The following SYN3 variants were observed in gnomAD, a reference collection of about 807,000 sequenced individuals.
The protein encoded by SYN3 is synapsin III, also known as synapsin-3.
Under a neutral mutation model 65.8 loss-of-function variants are expected in SYN3, and 35 were observed. That is an observed-to-expected ratio of 0.53 (90% CI 0.41 to 0.70). SYN3 has a LOEUF of 0.70. Ranked by LOEUF, SYN3 falls within the 30% of genes least tolerant of loss-of-function variation. The pLI, the probability that SYN3 is intolerant of heterozygous loss-of-function variation, is 0.00. For synonymous variants in SYN3, 270 were observed against 292.9 expected, an observed-to-expected ratio of 0.92 and a Z score of 0.80; for missense variants, 680 against 749.0, an observed-to-expected ratio of 0.91 and a Z score of 1.08.
In SYN3 at chr22:32,589,065, C is replaced by T. The variant is rs150766150; in HGVS notation, c.774+7609G>A. Among the ~76,000 whole-genome samples the T allele has an allele frequency of 2.4e-3, 358 of 152,330 alleles. 1 individual carries two copies. Among genetic ancestry groups the T allele is most frequent in the South Asian group, 0.012 (59 of 4,820 alleles). ...TATAAATATGACTGAAACACTGCCC[C>T]GAGCTCCTATTCTCAACACACTGCC... is the stretch of plus-strand genomic sequence containing the variant. On this transcript the variant is annotated intron_variant, in intron 7 of 13. Coordinates refer to ENST00000358763, the MANE Select transcript of SYN3 (RefSeq NM_003490.4).
chr22:32,749,845 C>A (rs2045059259), intron 6 of SYN3, among the ~76,000 whole-genome samples: 1 of 152,074 alleles, frequency 6.6e-6, no homozygotes, highest in Non-Finnish European at 1.5e-5. Context: ...GAGAATAGTT[C>A]CAGGTCAAAC....
At chr22:32,657,814 C>G (rs1300628120) in intron 6 of SYN3, among the ~76,000 whole-genome samples, 2 of 152,192 alleles carry the variant, frequency 1.3e-5, no homozygotes, top group African/African-American at 4.8e-5. Context: ...ACCTACAGCC[C>G]CCCAGTGGAG....
At chr22:33,020,187 T>G (rs2145857217) in intron 1 of SYN3, among the ~76,000 whole-genome samples, 1 of 152,310 alleles carries the variant, frequency 6.6e-6, no homozygotes, top group East Asian at 1.9e-4. Flanking sequence ...AGGAGAAGTA[T>G]TCAGTTGAAT....
At chr22:32,918,665 C>A (rs910906367) in intron 4 of SYN3, among the ~76,000 whole-genome samples, 4 of 152,148 alleles carry the variant, frequency 2.6e-5, no homozygotes, top group African/African-American at 9.7e-5. Flanking sequence ...CCTGAGGAGG[C>A]GACATGAGAT....
chr22:32,612,254 C>T (rs62232743), intron 6 of SYN3, among the ~76,000 whole-genome samples: 35,428 of 152,144 alleles, frequency 0.23, 4,314 homozygotes, highest in Middle Eastern at 0.32. Flanking sequence ...GGGACTTATG[C>T]GAACTCCAAC....
chr22:32,708,987 C>T (rs11702928), intron 6 of SYN3, among the ~76,000 whole-genome samples: 3,794 of 152,202 alleles, frequency 0.025, 66 homozygotes, highest in African/African-American at 0.043. Flanking sequence ...TCGAGCCCTG[C>T]GGGGCAGTGA....
intron 6 of SYN3, among the ~76,000 whole-genome samples, chr22:32,703,549 A>G (rs955220737): frequency 6.6e-5 from 10 of 152,012 alleles, no homozygotes; most frequent in Admixed American, 5.9e-4. Context: ...AGGCAGAAGA[A>G]TGGCATGAAC....
intron 4 of SYN3, among the ~76,000 whole-genome samples, chr22:32,915,189 T>G (rs1171991273): frequency 6.6e-6 from 1 of 152,090 alleles, no homozygotes; most frequent in African/African-American, 2.4e-5. Flanking sequence ...GGTTGATGGG[T>G]GCAGCAAACC....
In SYN3 at chr22:33,049,958, G is replaced by A. The variant is rs144733707; in HGVS notation, c.-163+8334C>T. Among the ~76,000 whole-genome samples the A allele has an allele frequency of 2.6e-3, 396 of 152,198 alleles. 1 individual carries two copies. Among genetic ancestry groups the A allele is most frequent in the African/African-American group, 8.8e-3 (365 of 41,530 alleles). On this transcript the variant is annotated intron_variant, in intron 1 of 13. Transcript: ENST00000358763. ...AAGCCTACTCCAATCTTTTGGCACT[G>A]GAAAGGGGCCTGGAGGTGAGAATAA...
intron 6 of SYN3, among the ~76,000 whole-genome samples, chr22:32,622,999 G>C (rs1414381869): frequency 3.3e-5 from 5 of 152,048 alleles, no homozygotes; most frequent in African/African-American, 1.2e-4. Context: ...AGGGAGACTT[G>C]TTCCTCCTGA....
rs1220943040 is a variant in SYN3, at chr22:32,900,531, C to T, written c.461+30859G>A. On this transcript the variant is annotated intron_variant, in intron 4 of 13. Transcript: ENST00000358763. ...ACAACAAAAACAACAAAAATCCATG[C>T]CTTCTATATTTTAAGAGACATCCTT... is the stretch of plus-strand genomic sequence containing the variant. Among the ~76,000 whole-genome samples the T allele has an allele frequency of 3.9e-5, 6 of 152,048 alleles. No homozygotes were observed. In the East Asian group the frequency reaches 1.2e-3, roughly 29 times the overall value.
chr22:32,770,885 T>TGTTCAATTAACACATATGTGTTCAGC (rs1569211104), intron 6 of SYN3, among the ~76,000 whole-genome samples: 1 of 151,854 alleles, frequency 6.6e-6, no homozygotes, highest in African/African-American at 2.4e-5. Flanking sequence ...ATGTGTTCAG[T>TGTTCAATTAACACATATGTGTTCAGC]TATTATTATT....
chr22:33,049,783 G>C (rs1283327366), intron 1 of SYN3, among the ~76,000 whole-genome samples: 2 of 152,156 alleles, frequency 1.3e-5, no homozygotes, highest in African/African-American at 4.8e-5. Context: ...CCCATCCATT[G>C]GGAAGGACTG....
chr22:33,000,867 G>T (rs1278171971), intron 2 of SYN3, among the ~76,000 whole-genome samples: 3 of 152,204 alleles, frequency 2.0e-5, no homozygotes, highest in Non-Finnish European at 4.4e-5. Flanking sequence ...GCATTGTGGG[G>T]CTGCCCTGCC....
chr22:32,718,123 G>A (rs1329383439), intron 6 of SYN3, among the ~76,000 whole-genome samples: 3 of 152,120 alleles, frequency 2.0e-5, no homozygotes, highest in African/African-American at 4.8e-5. Context: ...CTGGAGCAGG[G>A]TGGGGTGGAG....
chr22:32,726,131 G>C (rs1473743374), intron 6 of SYN3, among the ~76,000 whole-genome samples: 2 of 144,840 alleles, frequency 1.4e-5, no homozygotes, highest in African/African-American at 5.3e-5. Context: ...ATAATAACTA[G>C]TAATCCAGTA....
rs138298771 is a variant in SYN3, at chr22:32,765,461, G to A, written c.711+99454C>T. Among the ~76,000 whole-genome samples the A allele has an allele frequency of 4.1e-3, 618 of 152,268 alleles. 1 individual carries two copies. The highest frequency in any genetic ancestry group is 6.8e-3 in the Middle Eastern group (2 of 294). On this transcript the variant is annotated intron_variant, in intron 6 of 13. Coordinates refer to ENST00000358763, the MANE Select transcript of SYN3 (RefSeq NM_003490.4). ...TCCTCTCTGGTAACCACAGAACAAG[G>A]TGGCTGAGGATTCCTGATAGGACAA...
intron 1 of SYN3, among the ~76,000 whole-genome samples, chr22:33,026,284 T>G (rs761847134): frequency 6.6e-6 from 1 of 152,166 alleles, no homozygotes; most frequent in Non-Finnish European, 1.5e-5. Context: ...GGCCCTTAGT[T>G]AATAACAGAA....
chr22:32,569,022 C>T (rs972303923), intron 7 of SYN3, among the ~76,000 whole-genome samples: 11 of 152,086 alleles, frequency 7.2e-5, no homozygotes, highest in African/African-American at 2.4e-4. Context: ...AGAAATTTTG[C>T]AGGCAGCACA....
Sources: allele counts gnomAD v4.1 joint callset (sites outside exome capture counted in the v4.1 genomes callset), GRCh38; gene constraint gnomAD v4.1.1; transcripts MANE v1.5; gene names NCBI Gene and HGNC (gene_info 2026-07-23, HGNC 2026-07-21).